GALNT15: variants seen among roughly 807,000 people sequenced by gnomAD.
The protein encoded by GALNT15 is polypeptide N-acetylgalactosaminyltransferase 15, also known as UDP-GalNAc transferase T15.
GALNT15 carries 67 observed loss-of-function variants against 66.8 expected under a neutral mutation model. The observed-to-expected ratio is 1.00, with a 90% CI of 0.82 to 1.23. The LOEUF (loss-of-function observed/expected upper bound fraction) is 1.23, where lower values mean the gene tolerates loss of function less well. Ranked by LOEUF, GALNT15 falls within the 50% of genes most tolerant of loss-of-function variation. GALNT15 has a pLI of 0.00. For missense variants in GALNT15, 827 were observed against 804.3 expected (o/e 1.03, Z -0.34); for synonymous variants, 313 against 311.5 (o/e 1.00, Z -0.05).
rs1372855391 is a variant in GALNT15, at chr3:16,184,656, C to T, written c.539+8966C>T. ...TTAGGGGCTATCTTAGTTTAGGTTT[C>T]CCCTAAAGAAGATCCTGAAAGAAGG... On this transcript the variant is annotated intron_variant, in intron 1 of 9. Coordinates refer to ENST00000339732, the MANE Select transcript of GALNT15 (RefSeq NM_054110.5). This position sits in a 1 kb window ranked among gnomAD's most constrained non-coding sequence, Gnocchi z 5.0. Among the ~76,000 whole-genome samples, 1 of 152,164 alleles carries T rather than the reference C, an allele frequency of 6.6e-6. No homozygotes were observed. The highest frequency in any genetic ancestry group is 6.5e-5 in the Admixed American group (1 of 15,268).
At position 16,175,050 on chromosome 3, in the gene GALNT15, G is replaced by A. The variant is rs1374026397; in HGVS notation, c.-102G>A. On this transcript the variant is annotated 5_prime_UTR_variant, in exon 1 of 10. Transcript: ENST00000339732. The surrounding 1 kb of genome is among the most constrained non-coding windows in gnomAD (Gnocchi z 5.6). ...TAAGTGACTGGCAGAAAAACTTCCA[G>A]GTGGAACAAGCAACCCAGGTTCTGC... 1 of 1,159,398 alleles carries A rather than the reference G, an allele frequency of 8.6e-7. No individual in the cohort carries two copies. The highest frequency in any genetic ancestry group is 2.4e-5 in the Admixed American group (1 of 41,826). 71.8% of individuals were successfully genotyped at this position (1,159,398 alleles called of 1,614,324 possible).
downstream of GALNT15, among the ~76,000 whole-genome samples, chr3:16,232,504 AT>A (rs1559698410): frequency 4.0e-3 from 352 of 88,180 alleles, 10 homozygotes; most frequent in African/African-American, 0.017. Flanking sequence ...ATATATATAT[AT>A]ATATATTTAT....
chr3:16,220,067 G>A lies in GALNT15; in HGVS notation c.1629+53G>A. 13 of 1,407,098 alleles carry A rather than the reference G, an allele frequency of 9.2e-6. No homozygotes were observed. In the South Asian group the frequency reaches 1.0e-4, roughly 11 times the overall value. The allele number at this position is 1,407,098 out of a possible 1,614,324, so 87.2% of individuals were successfully genotyped here. A position where few individuals can be genotyped will look rare whatever the true frequency, so the allele number is the denominator to read the frequency against. ...TGATAGCCCAAGAAGACTTGAAAGTGGGCGATATTTTTCTGGGATGCCCCA... is the reference window on the plus strand; with the variant it reads ...TGATAGCCCAAGAAGACTTGAAAGTAGGCGATATTTTTCTGGGATGCCCCA... On this transcript the variant is annotated intron_variant, in intron 8 of 9. Transcript: ENST00000339732.
In GALNT15 at chr3:16,187,288, C is replaced by G. The variant is rs1422678313; in HGVS notation, c.540-8472C>G. Among the ~76,000 whole-genome samples, 1 of 152,070 alleles carries G rather than the reference C, an allele frequency of 6.6e-6. No individual in the cohort carries two copies. Among genetic ancestry groups the G allele is most frequent in the Non-Finnish European group, 1.5e-5 (1 of 68,008 alleles). ...CAAAAAAAAAATTAGTGATTTCAAA[C>G]AATAACCATTTCTATGTTATGGTTC... is the stretch of plus-strand genomic sequence containing the variant. On this transcript the variant is annotated intron_variant, in intron 1 of 9. Coordinates refer to ENST00000339732, the MANE Select transcript of GALNT15 (RefSeq NM_054110.5). This position sits in a 1 kb window ranked among gnomAD's most constrained non-coding sequence, Gnocchi z 5.1.
In GALNT15 at chr3:16,225,135, A is replaced by G. The variant is rs2063992440; in HGVS notation, c.1774-2219A>G. ...CATATCACATGGTGAAAGCAGGAAC[A>G]AGAGAAAGAGAGTGGGGGAGGGGGT... On this transcript the variant is annotated intron_variant, in intron 9 of 9. Coordinates refer to ENST00000339732, the MANE Select transcript of GALNT15 (RefSeq NM_054110.5). The surrounding 1 kb of genome is among the most constrained non-coding windows in gnomAD (Gnocchi z 4.4). Among the ~76,000 whole-genome samples, 1 of 152,134 alleles carries G rather than the reference A, an allele frequency of 6.6e-6. No homozygotes were observed. Among genetic ancestry groups the G allele is most frequent in the South Asian group, 2.1e-4 (1 of 4,830 alleles).
At position 16,175,244 on chromosome 3, in the gene GALNT15, G is replaced by A. The variant is rs144505316; in HGVS notation, c.93G>A (p.Ala31=). ...LMLGCVLMMV[A]MLHPPHHTLH... is the part of the protein sequence containing the mutation. ...TGGGATGCGTCCTGATGATGGTGGC[G>A]ATGTTGCACCCTCCCCACCACACCC... is the stretch of plus-strand genomic sequence containing the variant. Residue 31 remains alanine (A), a synonymous_variant, in exon 1 of 10, where the codon GCG becomes GCA. Transcript: ENST00000339732. The surrounding 1 kb of genome is among the most constrained non-coding windows in gnomAD (Gnocchi z 5.6). 6.8e-6 allele frequency: 11 copies of A among 1,613,998 alleles called. No individual in the cohort carries two copies. The highest frequency in any genetic ancestry group is 1.7e-5 in the Admixed American group (1 of 60,008).
At position 16,227,598 on chromosome 3, in the gene GALNT15, G is replaced by A. The variant is rs752673741; in HGVS notation, c.*98G>A. Reference sequence around the variant, plus strand: ...TATTTCATGAAGCTGATCCTTTTGTGTGTGTGCTCCTGGTGTTAGGAGAGA... The same window carrying A: ...TATTTCATGAAGCTGATCCTTTTGTATGTGTGCTCCTGGTGTTAGGAGAGA... On this transcript the variant is annotated 3_prime_UTR_variant, in exon 10 of 10. Coordinates refer to ENST00000339732, the MANE Select transcript of GALNT15 (RefSeq NM_054110.5). The surrounding 1 kb of genome is among the most constrained non-coding windows in gnomAD (Gnocchi z 4.5). 1.2e-6 allele frequency: 2 copies of A among 1,602,808 alleles called. No homozygotes were observed. The highest frequency in any genetic ancestry group is 2.2e-5 in the South Asian group (2 of 89,628).
chr3:16,235,358 AG>A (rs1352501964), downstream of GALNT15, among the ~76,000 whole-genome samples: 2 of 152,194 alleles, frequency 1.3e-5, no homozygotes, highest in Admixed American at 6.5e-5. Context: ...TGATGAAGCA[AG>A]GTTCCTCCGG....
At chr3:16,179,058 T>C (rs1179853857) in intron 1 of GALNT15, among the ~76,000 whole-genome samples, 1 of 152,170 alleles carries the variant, frequency 6.6e-6, no homozygotes, top group Non-Finnish European at 1.5e-5. Flanking sequence ...TAGGTGGCAT[T>C]TGAGGAAAAT....
Position 16,203,234 on chromosome 3 carries a change from A to G in GALNT15, c.911+2411A>G, listed in dbSNP as rs1424885216. On this transcript the variant is annotated intron_variant, in intron 3 of 9. Coordinates refer to ENST00000339732, the MANE Select transcript of GALNT15 (RefSeq NM_054110.5). This position sits in a 1 kb window ranked among gnomAD's most constrained non-coding sequence, Gnocchi z 6.2. ...TCAGGGAGGAACATTAGTCATCCCT[A>G]ACCCCACAACTGGTTATGAGACATG... is the stretch of plus-strand genomic sequence containing the variant. Among the ~76,000 whole-genome samples the G allele has an allele frequency of 6.6e-6, 1 of 152,146 alleles. No individual in the cohort carries two copies. Among genetic ancestry groups the G allele is most frequent in the East Asian group, 1.9e-4 (1 of 5,184 alleles).
At chr3:16,218,256 G>A (rs1205663121) in intron 6 of GALNT15, among the ~76,000 whole-genome samples, 1 of 152,172 alleles carries the variant, frequency 6.6e-6, no homozygotes, top group Non-Finnish European at 1.5e-5. Flanking sequence ...ACTTTACACA[G>A]CCTGGTGGAC....
At position 16,208,446 on chromosome 3, in the gene GALNT15, C is replaced by A. The variant is rs1559686600; in HGVS notation, c.912-57C>A. 7 of 1,581,486 alleles carry A rather than the reference C, an allele frequency of 4.4e-6. No homozygotes were observed. In the East Asian group the frequency reaches 9.0e-5, roughly 20 times the overall value. On this transcript the variant is annotated intron_variant, in intron 3 of 9. Coordinates refer to ENST00000339732, the MANE Select transcript of GALNT15 (RefSeq NM_054110.5). ...TGGGCAGCCCATGTACAGACTGTTT[C>A]CAGCCCCAGCAAGTAAATGCTTTAC...
rs1393192508 is a variant in GALNT15, at chr3:16,222,727, C to T, written c.1742C>T (p.Ala581Val). The change falls in exon 9 of 10, where the codon GCC becomes GTC. Residue 581 changes from alanine (A) to valine (V), a missense_variant. Transcript: ENST00000339732. Reference protein sequence around the residue: ...ILQNCTEEGLAIHQQHWDFQE... With the variant: ...ILQNCTEEGLVIHQQHWDFQE... ...CAGAACTGCACGGAGGAAGGCCTGGCCATCCACCAGCAGCACTGGGACTTC... is the reference window on the plus strand; with the variant it reads ...CAGAACTGCACGGAGGAAGGCCTGGTCATCCACCAGCAGCACTGGGACTTC... 2 of 1,614,146 alleles carry T rather than the reference C, an allele frequency of 1.2e-6. No individual in the cohort carries two copies. The highest frequency in any genetic ancestry group is 1.7e-6 in the Non-Finnish European group (2 of 1,180,030).
At chr3:16,197,760 C>A (rs1244228104) in intron 2 of GALNT15, among the ~76,000 whole-genome samples, 1 of 152,174 alleles carries the variant, frequency 6.6e-6, no homozygotes, top group Non-Finnish European at 1.5e-5. Flanking sequence ...TGACCCTTTA[C>A]AAGTGGAAGT....
intron 9 of GALNT15, among the ~76,000 whole-genome samples, chr3:16,223,336 T>G (rs1196284036): frequency 6.6e-6 from 1 of 151,968 alleles, no homozygotes; most frequent in African/African-American, 2.4e-5. Flanking sequence ...TTAAGGAGAG[T>G]GGGCAGGTCC....
chr3:16,188,623 G>A lies in GALNT15; in HGVS notation c.540-7137G>A, dbSNP rs146723113. Among the ~76,000 whole-genome samples, 234 of 152,226 alleles carry A rather than the reference G, an allele frequency of 1.5e-3. 2 individuals are homozygous for A. The highest frequency in any genetic ancestry group is 0.014 in the South Asian group (65 of 4,814). On this transcript the variant is annotated intron_variant, in intron 1 of 9. Transcript: ENST00000339732. This position sits in a 1 kb window ranked among gnomAD's most constrained non-coding sequence, Gnocchi z 4.6. ...AGGGGTTGGAGCACTAGGAGGGGAT[G>A]GTGTAGATGCAGTTCAGGACCTTTC...
Position 16,191,496 on chromosome 3 carries a change from C to A in GALNT15, c.540-4264C>A. On this transcript the variant is annotated intron_variant, in intron 1 of 9. Transcript: ENST00000339732. This position sits in a 1 kb window ranked among gnomAD's most constrained non-coding sequence, Gnocchi z 5.2. The stretch of plus-strand genomic sequence containing the variant: ...GAAACCAAGGCACCCAGAAGCTAAG[C>A]AACTTTCCCAGGGTCATCTCCGCAG... The A allele has an allele frequency of 4.8e-6, 1 of 207,878 alleles. No homozygotes were observed. Among genetic ancestry groups the A allele is most frequent in the Non-Finnish European group, 8.4e-6 (1 of 118,780 alleles). The allele number at this position is 207,878 out of a possible 1,614,324, so 12.9% of individuals were successfully genotyped here.
At chr3:16,241,844 G>A in the GALNT15 span, among the ~76,000 whole-genome samples, 2,521 of 152,136 alleles carry the variant, frequency 0.017, 37 homozygotes, top group Non-Finnish European at 0.024. The surrounding 1 kb of genome is among the most constrained non-coding windows in gnomAD (Gnocchi z 4.6). Context: ...CACCACACCC[G>A]GCCAAAACAG....
the GALNT15 span, among the ~76,000 whole-genome samples, chr3:16,247,097 AGTGTGTGTGTGTGT>A: frequency 4.8e-5 from 7 of 144,798 alleles, no homozygotes; most frequent in Non-Finnish European, 7.6e-5. Context: ...CAAAGACTGT[AGTGTGTGTGTGTGT>A]GTGTGTGTGT....
Sources: allele counts gnomAD v4.1 joint callset (sites outside exome capture counted in the v4.1 genomes callset), GRCh38; gene constraint gnomAD v4.1.1; non-coding constraint Gnocchi (gnomAD v3.1); transcripts MANE v1.5; gene names NCBI Gene and HGNC (gene_info 2026-07-23, HGNC 2026-07-21).